UBE2V1: variants seen among roughly 807,000 people sequenced by gnomAD.
UBE2V1 encodes ubiquitin-conjugating enzyme E2 variant 1.
A neutral mutation model predicts 19.6 loss-of-function variants in UBE2V1; 15 were observed. That is an observed-to-expected ratio of 0.77 (90% confidence interval 0.51 to 1.18). UBE2V1 has a LOEUF of 1.18. Ranked by LOEUF, UBE2V1 falls within the 50% of genes most tolerant of loss-of-function variation. UBE2V1 has a pLI of 0.00. For missense variants in UBE2V1, 125 were observed against 184.8 expected (o/e 0.68, Z 1.88); for synonymous variants, 60 against 60.7 (o/e 0.99, Z 0.05).
At position 50,096,793 on chromosome 20, in the gene UBE2V1, A is replaced by G; in HGVS notation, c.50T>C (p.Leu17Pro). 1 of 1,614,110 alleles carries G rather than the reference A, an allele frequency of 6.2e-7. No individual in the cohort carries two copies. Among genetic ancestry groups the G allele is most frequent in the Non-Finnish European group, 8.5e-7 (1 of 1,179,970 alleles). The change falls in exon 2 of 4, where the codon CTG (leucine) becomes CCG (proline). Residue 17 changes from leucine (L) to proline (P), a missense_variant. Physicochemically the swap from Leu to Pro is moderately conservative, Grantham distance 98. Transcript: ENST00000371674. ...CTGGCCTTCTTCGAGTTCTTCCAAC[A>G]GTCGGAAATTGCGAGGGACTTTTAC... ...SGVKVPRNFRLLEELEEGQKG... is the reference protein window; with the variant it reads ...SGVKVPRNFRPLEELEEGQKG...
chr20:50,089,151 G>T (rs1306252551), intron 2 of UBE2V1, among the ~76,000 whole-genome samples: 1 of 152,100 alleles, frequency 6.6e-6, no homozygotes, highest in African/African-American at 2.4e-5. Flanking sequence ...TAACACAGAT[G>T]TAATAACGAA....
rs200427735 is a variant in UBE2V1, at chr20:50,106,841, CAAA to C, written c.22+6263_22+6265del. 5.3e-4 allele frequency among the ~76,000 whole-genome samples: 61 copies of C among 116,114 alleles called. 2 individuals are homozygous for C. Among genetic ancestry groups the C allele is most frequent in the African/African-American group, 2.0e-3 (59 of 29,884 alleles). 76.2% of individuals were successfully genotyped at this position (116,114 alleles called of 152,430 possible). On this transcript the variant is annotated intron_variant, in intron 1 of 3. Transcript: ENST00000371674. The stretch of plus-strand genomic sequence containing the variant: ...CAAGAGTGAAACTCTGTTTCAAAAC[CAAA>C]AACAACAACAACAACAACAACAACA...
chr20:50,111,369 A>G, intron 1 of UBE2V1: 1 of 999,788 alleles, frequency 1.0e-6, no homozygotes, highest in Middle Eastern at 5.2e-4. Flanking sequence ...AGTGACTGCA[A>G]GCAGGGCTGA....
At chr20:50,109,099 G>A in intron 1 of UBE2V1, 1 of 985,442 alleles carries the variant, frequency 1.0e-6, no homozygotes, top group Non-Finnish European at 1.2e-6. Flanking sequence ...ACTGCCCCTG[G>A]CTGGTGACCA....
intron 2 of UBE2V1, among the ~76,000 whole-genome samples, chr20:50,092,819 T>G (rs1471640851): frequency 6.6e-6 from 1 of 152,046 alleles, no homozygotes; most frequent in Non-Finnish European, 1.5e-5. Context: ...ATTCAAAGAG[T>G]ACAGAAGGGT....
chr20:50,094,231 AATAT>A (rs2079465956), intron 2 of UBE2V1, among the ~76,000 whole-genome samples: 1 of 138,974 alleles, frequency 7.2e-6, no homozygotes, highest in Non-Finnish European at 1.5e-5. Context: ...TGCATTATAT[AATAT>A]ATAATGCATT....
At chr20:50,098,623 G>A (rs1426453602) in intron 1 of UBE2V1, among the ~76,000 whole-genome samples, 2 of 152,166 alleles carry the variant, frequency 1.3e-5, no homozygotes, top group African/African-American at 4.8e-5. Flanking sequence ...TTTGGTCCAA[G>A]CAACTGAAGG....
Position 50,113,120 on chromosome 20 carries a change from G to A in UBE2V1, c.9C>T (p.Ala3=), listed in dbSNP as rs757711194. The A allele has an allele frequency of 1.1e-5, 15 of 1,367,628 alleles. No individual in the cohort carries two copies. The African/African-American group carries it at 2.0e-4, about 18-fold the overall frequency. 84.7% of individuals were successfully genotyped at this position (1,367,628 alleles called of 1,614,324 possible). A position where few individuals can be genotyped will look rare whatever the true frequency, so the allele number is the denominator to read the frequency against. Residue 3 remains alanine (A), a synonymous_variant, in exon 1 of 4, where the codon GCC becomes GCT. Transcript: ENST00000371674. ...GCCCCCGCTCACCCGAGCCCGTGGT[G>A]GCTGCCATCTTGCGTCGCTCTTGCT... MA[A]TTGSGVKVPR...
intron 2 of UBE2V1, 93 bp from the exon 3 acceptor site, chr20:50,084,347 A>C (rs764646312): frequency 6.2e-7 from 1 of 1,600,428 alleles, no homozygotes; most frequent in South Asian, 1.1e-5. Context: ...CTGACTGTAG[A>C]ACTGGTACAT....
At chr20:50,115,657 G>A (rs773929200), upstream of UBE2V1, 40 of 1,303,082 alleles carry the variant, frequency 3.1e-5, no homozygotes, top group Middle Eastern at 2.7e-4. Context: ...AACCCCTTGG[G>A]CACAGGGAAG....
At position 50,081,278 on chromosome 20, in the gene UBE2V1, G is replaced by T. The variant is rs1327830454; in HGVS notation, c.*1490C>A. 6.6e-6 allele frequency: 1 copy of T among 150,882 alleles called. No individual in the cohort carries two copies. The highest frequency in any genetic ancestry group is 2.4e-5 in the African/African-American group (1 of 40,850). The allele number at this position is 150,882 out of a possible 1,614,324, so 9.3% of individuals were successfully genotyped here. On this transcript the variant is annotated 3_prime_UTR_variant, in exon 4 of 4. Transcript: ENST00000371674. ...TTTTCCCCCCAGAAAAAGATTAATG[G>T]AAACATCAATTGCTTTTCAGACTTG...
Position 50,096,662 on chromosome 20 carries a change from C to T in UBE2V1, c.171+10G>A, listed in dbSNP as rs754662496. On this transcript the variant is annotated intron_variant, in intron 2 of 3. Transcript: ENST00000371674. ...GACATTGACATTTATAGCCGTAGCT[C>T]GACGCTTACTCTTGGAGGCCCAATT... 1.1e-5 allele frequency: 18 copies of T among 1,613,280 alleles called. No individual in the cohort carries two copies. Among genetic ancestry groups the T allele is most frequent in the Admixed American group, 5.0e-5 (3 of 59,916 alleles).
chr20:50,094,174 TATC>T (rs1400554072), intron 2 of UBE2V1, among the ~76,000 whole-genome samples: 6 of 125,462 alleles, frequency 4.8e-5, no homozygotes, highest in African/African-American at 1.6e-4. Flanking sequence ...ATATATTACA[TATC>T]ATATATGTTA....
chr20:50,101,114 G>A (rs17725000), intron 1 of UBE2V1, among the ~76,000 whole-genome samples: 4,776 of 152,270 alleles, frequency 0.031, 106 homozygotes, highest in Non-Finnish European at 0.044. Flanking sequence ...CTAGGATTTG[G>A]AACAGGAATT....
At position 50,096,771 on chromosome 20, in the gene UBE2V1, G is replaced by T; in HGVS notation, c.72C>A (p.Gly24=). The T allele has an allele frequency of 6.2e-7, 1 of 1,614,014 alleles. No homozygotes were observed. Among genetic ancestry groups the T allele is most frequent in the South Asian group, 1.1e-5 (1 of 91,078 alleles). Reference sequence around the variant, plus strand: ...CTGTGCCATCTCCTACTCCTTTCTGGCCTTCTTCGAGTTCTTCCAACAGTC... The same window carrying T: ...CTGTGCCATCTCCTACTCCTTTCTGTCCTTCTTCGAGTTCTTCCAACAGTC... ...NFRLLEELEE[G]QKGVGDGTVS... The change falls in exon 2 of 4, where the codon GGC becomes GGA. Residue 24 remains glycine (G), a synonymous_variant. Transcript: ENST00000371674.
In UBE2V1 at chr20:50,096,712, G is replaced by T. The variant is rs962500463; in HGVS notation, c.131C>A (p.Thr44Lys). Residue 44 changes from threonine (T) to lysine (K), a missense_variant, in exon 2 of 4, where the codon ACA becomes AAA. Coordinates refer to ENST00000371674, the MANE Select transcript of UBE2V1 (RefSeq NM_001032288.3). ...SWGLEDDEDM[T>K]LTRWTGMIIG... ...TATCATCCCTGTCCATCTTGTAAGT[G>T]TCATGTCTTCGTCATCTTCTAGACC... is the stretch of plus-strand genomic sequence containing the variant. The T allele has an allele frequency of 6.2e-7, 1 of 1,613,874 alleles. No individual in the cohort carries two copies. The highest frequency in any genetic ancestry group is 8.5e-7 in the Non-Finnish European group (1 of 1,179,974).
chr20:50,095,265 C>A (rs956765511), intron 2 of UBE2V1: 4 of 152,072 alleles, frequency 2.6e-5, no homozygotes, highest in Non-Finnish European at 5.9e-5. Flanking sequence ...AGAAGACATG[C>A]AGTGAAGAAG....
At chr20:50,100,501 C>T (rs1234710185) in intron 1 of UBE2V1, among the ~76,000 whole-genome samples, 1 of 151,898 alleles carries the variant, frequency 6.6e-6, no homozygotes, top group Non-Finnish European at 1.5e-5. Flanking sequence ...AGAAAAATTG[C>T]TTGAACCCTG....
At chr20:50,113,051 GC>G in intron 1 of UBE2V1, 55 bp downstream of exon 1, 38 of 783,902 alleles carry the variant, frequency 4.8e-5, no homozygotes, top group South Asian at 3.7e-4. Context: ...AGGGTCCCCG[GC>G]CCCCGGCCCA....
Sources: allele counts gnomAD v4.1 joint callset (sites outside exome capture counted in the v4.1 genomes callset), GRCh38; gene constraint gnomAD v4.1.1; transcripts MANE v1.5; gene names NCBI Gene and HGNC (gene_info 2026-07-23, HGNC 2026-07-21).